Variants in CAPN7 observed in about 807,000 individuals in gnomAD.
CAPN7 encodes the protein calpain 7, also known as calpain-7.
Under a neutral mutation model 115.2 loss-of-function variants are expected in CAPN7, and 72 were observed. The ratio of observed to expected loss-of-function variants is 0.63; its 90% CI spans 0.52 to 0.76. CAPN7 has a LOEUF of 0.76. Among genes scored for constraint, CAPN7 ranks in the 30% least tolerant of loss-of-function variants. CAPN7 has a pLI of 0.00. For synonymous variants in CAPN7, 344 were observed against 322.3 expected (o/e 1.07, Z -0.72); for missense variants, 905 against 971.5 (o/e 0.93, Z 0.91).
At chr3:15,208,541 C>T (rs2124850149) in intron 1 of CAPN7, among the ~76,000 whole-genome samples, 1 of 151,232 alleles carries the variant, frequency 6.6e-6, no homozygotes, top group South Asian at 2.1e-4. Flanking sequence ...AGCGATCTTC[C>T]TGCCTCAGTC....
chr3:15,211,799 G>A (rs1043135262), intron 1 of CAPN7, among the ~76,000 whole-genome samples: 6 of 152,032 alleles, frequency 3.9e-5, no homozygotes, highest in African/African-American at 1.4e-4. Flanking sequence ...GGAGGCTGAG[G>A]CCCAAGAATC....
At chr3:15,214,764 TG>T (rs2124885206) in intron 2 of CAPN7, among the ~76,000 whole-genome samples, 1 of 152,340 alleles carries the variant, frequency 6.6e-6, no homozygotes, top group South Asian at 2.1e-4. Flanking sequence ...GTTCAAGACT[TG>T]GAATTAAAAG....
rs1423618703 is a variant in CAPN7 at position 15,245,654 on chromosome 3, A to G, written c.1993A>G (p.Ile665Val). Reference sequence around the variant, plus strand: ...TTCTCAATATGAAAAACAGAACACAATCCATTACACGGTTCGGGTAAGTAA... The same window carrying G: ...TTCTCAATATGAAAAACAGAACACAGTCCATTACACGGTTCGGGTAAGTAA... ...VVSQYEKQNT[I>V]HYTVRVYSAC... is the part of the protein sequence containing the mutation. Residue 665 changes from isoleucine (I) to valine (V), a missense_variant, in exon 17 of 21, where the codon ATC becomes GTC. Physicochemically the swap from Ile to Val is conservative, Grantham distance 29. Around this residue, in one of 3 missense-constraint regions of CAPN7, gnomAD observed 620 missense variants for 703.4 expected, o/e 0.88. Coordinates refer to ENST00000253693, the MANE Select transcript of CAPN7 (RefSeq NM_014296.3). 2 of 1,613,634 alleles carry G rather than the reference A, an allele frequency of 1.2e-6. No individual in the cohort carries two copies. The highest frequency in any genetic ancestry group is 1.7e-5 in the Admixed American group (1 of 59,956).
chr3:15,221,211 ACT>A (rs112842079), intron 5 of CAPN7, among the ~76,000 whole-genome samples: 9,921 of 151,708 alleles, frequency 0.065, 1,068 homozygotes, highest in African/African-American at 0.22. Context: ...ACAGAGTGTC[ACT>A]CTGTTGTTCA....
intron 3 of CAPN7, 72 bp from the exon 4 acceptor site, chr3:15,218,399 TGC>T: frequency 9.3e-7 from 1 of 1,071,550 alleles, no homozygotes; most frequent in African/African-American, 1.6e-5. Context: ...GTAAATTTTT[TGC>T]TTAGAAATAT....
chr3:15,222,084 AAG>A (rs1553606689), intron 5 of CAPN7, among the ~76,000 whole-genome samples: 9 of 152,134 alleles, frequency 5.9e-5, no homozygotes, highest in Admixed American at 3.3e-4. Context: ...AAAAAAAAAA[AAG>A]AATATATGAC....
chr3:15,234,079 G>T, intron 11 of CAPN7, 106 bp downstream of exon 11: 1 of 584,772 alleles, frequency 1.7e-6, no homozygotes, highest in Middle Eastern at 4.2e-4. Flanking sequence ...ACTATGGGAG[G>T]CCAAGGCAGG....
chr3:15,241,317 G>T (rs956785204), intron 14 of CAPN7, 136 bp from the exon 15 acceptor site: 1 of 764,316 alleles, frequency 1.3e-6, no homozygotes, highest in Admixed American at 2.7e-5. Context: ...ATGCTTCCTA[G>T]TTATGCCAAA....
chr3:15,240,995 A>G, intron 14 of CAPN7, 142 bp downstream of exon 14: 3 of 560,180 alleles, frequency 5.4e-6, no homozygotes, highest in Middle Eastern at 4.8e-4. Context: ...AGTTGACCTC[A>G]GGAGTTCTAG....
chr3:15,240,481 A>G lies in CAPN7; in HGVS notation c.1416A>G (p.Arg472=). The G allele has an allele frequency of 6.2e-7, 1 of 1,610,278 alleles. No homozygotes were observed. The highest frequency in any genetic ancestry group is 8.5e-7 in the Non-Finnish European group (1 of 1,179,280). Residue 472 remains arginine, a synonymous_variant, in exon 13 of 21, where the codon CGA becomes CGG. Transcript: ENST00000253693. ...VLDIREFKGL[R]FIQLKNPWSH... ...GTTTCTTTTTTATATAGGGGCTGCG[A>G]TTTATCCAGTTGAAAAATCCTTGGA... is the stretch of plus-strand genomic sequence containing the variant.
chr3:15,231,118 C>T (rs569358501), intron 9 of CAPN7, among the ~76,000 whole-genome samples: 12 of 152,204 alleles, frequency 7.9e-5, no homozygotes, highest in Admixed American at 2.6e-4. Flanking sequence ...CACCCTAGAC[C>T]TGCTGAATCA....
chr3:15,209,193 A>G (rs2044799697), intron 1 of CAPN7, among the ~76,000 whole-genome samples: 1 of 152,088 alleles, frequency 6.6e-6, no homozygotes, highest in Non-Finnish European at 1.5e-5. Flanking sequence ...TATTTTTAGT[A>G]GAGACCGGGT....
intron 11 of CAPN7, among the ~76,000 whole-genome samples, chr3:15,234,425 A>G (rs1258178073): frequency 1.3e-5 from 2 of 152,218 alleles, no homozygotes; most frequent in Non-Finnish European, 2.9e-5. Context: ...TTTAAAATAG[A>G]CTTCACATTA....
At chr3:15,217,065 C>G (rs1223122250) in intron 2 of CAPN7, among the ~76,000 whole-genome samples, 5 of 146,714 alleles carry the variant, frequency 3.4e-5, no homozygotes, top group Admixed American at 2.6e-4. Context: ...TGGCAAAACC[C>G]CATCTCTACA....
In CAPN7 at chr3:15,206,313, C is replaced by T. The variant is rs962538881; in HGVS notation, c.-183C>T. Reference sequence around the variant, plus strand: ...CAAGCCGGGTCTGGGCTGAGGGGCGCGGCTTCGCGGTGGACCCCAGCCCGG... The same window carrying T: ...CAAGCCGGGTCTGGGCTGAGGGGCGTGGCTTCGCGGTGGACCCCAGCCCGG... On this transcript the variant is annotated 5_prime_UTR_variant, in exon 1 of 21. Transcript: ENST00000253693. 2 of 528,558 alleles carry T rather than the reference C, an allele frequency of 3.8e-6. No homozygotes were observed. Among genetic ancestry groups the T allele is most frequent in the Non-Finnish European group, 6.6e-6 (2 of 301,732 alleles). 32.7% of individuals were successfully genotyped at this position (528,558 alleles called of 1,614,324 possible).
chr3:15,224,952 A>G (rs909019688), intron 6 of CAPN7, among the ~76,000 whole-genome samples: 16 of 152,330 alleles, frequency 1.1e-4, no homozygotes, highest in African/African-American at 3.4e-4. Flanking sequence ...GAGAAACTTT[A>G]TAGCATTAAT....
intron 4 of CAPN7, among the ~76,000 whole-genome samples, chr3:15,219,764 C>T (rs1244580438): frequency 2.0e-5 from 3 of 152,184 alleles, no homozygotes; most frequent in East Asian, 1.9e-4. Context: ...TATTTTTTAG[C>T]TCGTTAGTTC....
chr3:15,237,581 C>T (rs1305346154), intron 12 of CAPN7, among the ~76,000 whole-genome samples: 1 of 152,094 alleles, frequency 6.6e-6, no homozygotes. Flanking sequence ...AAAAATTGCC[C>T]ACTTAAAGCA....
In CAPN7 at chr3:15,218,492, A is replaced by C; in HGVS notation, c.389A>C (p.Lys130Thr). The C allele has an allele frequency of 6.2e-7, 1 of 1,612,744 alleles. No homozygotes were observed. Among genetic ancestry groups the C allele is most frequent in the East Asian group, 2.2e-5 (1 of 44,858 alleles). ...CTTAAGTCTTATGAAACTGCTGATA[A>C]AGTCCTGCAAAATAAACTGAAACAG... ...CLKTSYETAD[K>T]VLQNKLKQLA... is the part of the protein sequence containing the mutation. The change falls in exon 4 of 21, where the codon AAA (lysine) becomes ACA (threonine). Residue 130 changes from lysine (K) to threonine (T), a missense_variant. Lys to Thr is a moderately conservative substitution (Grantham distance 78). Transcript: ENST00000253693.
Sources: allele counts gnomAD v4.1 joint callset (sites outside exome capture counted in the v4.1 genomes callset), GRCh38; gene constraint gnomAD v4.1.1; regional missense constraint gnomAD v4.1.1; transcripts MANE v1.5; gene names NCBI Gene and HGNC (gene_info 2026-07-23, HGNC 2026-07-21).